The following NRXN1 variants were observed in gnomAD, a reference collection of about 807,000 sequenced individuals.
NRXN1 encodes the protein neurexin-1.
NRXN1 carries 39 observed loss-of-function variants against 150.9 expected under a neutral mutation model. That is an observed-to-expected ratio of 0.26 (90% CI 0.20 to 0.34). The LOEUF (loss-of-function observed/expected upper bound fraction) is 0.34. NRXN1 is among the 10% of genes least tolerant of loss of function. The probability of loss-of-function intolerance (pLI) is 1.00; values close to 1 mark genes in which losing one functional copy is unlikely to be tolerated. For synonymous variants in NRXN1, 924 were observed against 757.0 expected (o/e 1.22, Z -3.62); for missense variants, 1,815 against 1,949.9 (o/e 0.93, Z 1.30).
chr2:50,878,123 A>AAAAC (rs1261640254), intron 5 of NRXN1, among the ~76,000 whole-genome samples: 2 of 151,950 alleles, frequency 1.3e-5, no homozygotes, highest in African/African-American at 4.8e-5. Flanking sequence ...AAATCTGGGC[A>AAAAC]AAACAGTTCA....
intron 17 of NRXN1, among the ~76,000 whole-genome samples, chr2:50,322,693 A>C (rs1451264813): frequency 6.6e-6 from 1 of 152,202 alleles, no homozygotes. Context: ...CATTAGTTAT[A>C]TTTGAAGTAA....
At chr2:50,354,508 T>A (rs1048284548) in intron 17 of NRXN1, among the ~76,000 whole-genome samples, 1 of 148,880 alleles carries the variant, frequency 6.7e-6, no homozygotes, top group Admixed American at 6.8e-5. Flanking sequence ...CTAGAGTATA[T>A]GTGTGTGTAT....
intron 5 of NRXN1, among the ~76,000 whole-genome samples, chr2:50,690,697 G>A (rs1274308234): frequency 6.6e-6 from 1 of 152,150 alleles, no homozygotes; most frequent in African/African-American, 2.4e-5. Context: ...CTTATCCTAA[G>A]TGTCATCTTG....
intron 18 of NRXN1, among the ~76,000 whole-genome samples, chr2:50,209,897 A>C (rs1447302142): frequency 6.6e-6 from 1 of 152,018 alleles, no homozygotes; most frequent in Non-Finnish European, 1.5e-5. Flanking sequence ...ATATTTATTA[A>C]TGAAGTATTA....
chr2:50,792,587 G>A (rs911093761), intron 5 of NRXN1, among the ~76,000 whole-genome samples: 3 of 151,876 alleles, frequency 2.0e-5, no homozygotes, highest in Admixed American at 6.6e-5. Flanking sequence ...ATATTTAATG[G>A]GAGAAAGTTA....
rs963065605 is a variant in NRXN1, at chr2:49,976,167, A to G, written c.4129-32376T>C. On this transcript the variant is annotated intron_variant, in intron 21 of 22. Coordinates refer to ENST00000401669, the MANE Select transcript of NRXN1 (RefSeq NM_001330078.2). ...CCTCCTGAGTAGATGGGATTACAGG[A>G]GAGTGCCACCACGCCCAGCTAATTT... 6.0e-5 allele frequency among the ~76,000 whole-genome samples: 9 copies of G among 150,620 alleles called. No homozygotes were observed. The Admixed American group carries it at 6.0e-4, about 10-fold the overall frequency.
chr2:50,124,177 G>A (rs1704248614), intron 18 of NRXN1, among the ~76,000 whole-genome samples: 1 of 152,082 alleles, frequency 6.6e-6, no homozygotes, highest in African/African-American at 2.4e-5. Context: ...TTGCTGAGGA[G>A]GGAATGATCA....
chr2:50,422,479 T>C (rs1437754701), intron 17 of NRXN1, among the ~76,000 whole-genome samples: 1 of 152,144 alleles, frequency 6.6e-6, no homozygotes, highest in Non-Finnish European at 1.5e-5. Flanking sequence ...GAAAGAAATA[T>C]CTGGACATCG....
chr2:49,966,179 C>T (rs975202555), intron 21 of NRXN1, among the ~76,000 whole-genome samples: 1 of 152,226 alleles, frequency 6.6e-6, no homozygotes, highest in East Asian at 1.9e-4. Context: ...AGTATAGGCC[C>T]CCATACCTTC....
chr2:50,580,413 A>G (rs1672087413), intron 8 of NRXN1, among the ~76,000 whole-genome samples: 1 of 152,210 alleles, frequency 6.6e-6, no homozygotes, highest in African/African-American at 2.4e-5. Flanking sequence ...ACATTAATTC[A>G]ACACATTGGT....
At chr2:50,851,295 A>T (rs765549877) in intron 5 of NRXN1, among the ~76,000 whole-genome samples, 1 of 152,138 alleles carries the variant, frequency 6.6e-6, no homozygotes, top group African/African-American at 2.4e-5. Context: ...TTTCTAGTTG[A>T]TTCAATAACC....
chr2:49,959,449 C>T (rs377323894), intron 21 of NRXN1, among the ~76,000 whole-genome samples: 5 of 151,956 alleles, frequency 3.3e-5, no homozygotes, highest in African/African-American at 9.7e-5. Context: ...ATGCTCTTCA[C>T]GGTAGCATCT....
chr2:50,163,418 A>G (rs2059486268), intron 18 of NRXN1, among the ~76,000 whole-genome samples: 2 of 152,188 alleles, frequency 1.3e-5, no homozygotes, highest in South Asian at 2.1e-4. Flanking sequence ...TGCAACTTGT[A>G]AGAGTAGAGG....
At chr2:50,598,270 G>C (rs994422877) in intron 8 of NRXN1, among the ~76,000 whole-genome samples, 7 of 152,150 alleles carry the variant, frequency 4.6e-5, no homozygotes, top group Non-Finnish European at 1.0e-4. Context: ...CCACTGCACT[G>C]ACATCACAGC....
At chr2:50,504,211 C>T (rs1211222606) in intron 13 of NRXN1, among the ~76,000 whole-genome samples, 2 of 149,592 alleles carry the variant, frequency 1.3e-5, no homozygotes, top group African/African-American at 2.5e-5. Flanking sequence ...ATGCTTATTG[C>T]GTATTGATAA....
In NRXN1 at chr2:50,655,256, TAA is replaced by T. The variant is rs75184388; in HGVS notation, c.833-31643_833-31642del. Among the ~76,000 whole-genome samples, 301 of 151,586 alleles carry T rather than the reference TAA, an allele frequency of 2.0e-3. 1 individual carries two copies. Among genetic ancestry groups the T allele is most frequent in the Non-Finnish European group, 3.6e-3 (243 of 67,880 alleles). ...CTGTATCTTTCATATTTTTCAAAATTAAAAAAAACACCAAACTATTTTTCAAG... is the reference window on the plus strand; with the variant it reads ...CTGTATCTTTCATATTTTTCAAAATTAAAAAACACCAAACTATTTTTCAAG... On this transcript the variant is annotated intron_variant, in intron 5 of 22. Coordinates refer to ENST00000401669, the MANE Select transcript of NRXN1 (RefSeq NM_001330078.2).
intron 5 of NRXN1, among the ~76,000 whole-genome samples, chr2:50,887,459 A>G (rs1680421615): frequency 6.6e-6 from 1 of 151,472 alleles, no homozygotes; most frequent in Non-Finnish European, 1.5e-5. Flanking sequence ...AAAAGATGAA[A>G]AACTCCTGGT....
At chr2:50,763,530 C>T (rs1035983085) in intron 5 of NRXN1, among the ~76,000 whole-genome samples, 1 of 151,526 alleles carries the variant, frequency 6.6e-6, no homozygotes, top group South Asian at 2.1e-4. Flanking sequence ...TATTATTATG[C>T]TAGGCACTTA....
chr2:50,439,641 C>T (rs1439614192), intron 17 of NRXN1, among the ~76,000 whole-genome samples: 2 of 151,308 alleles, frequency 1.3e-5, no homozygotes, highest in African/African-American at 2.4e-5. Flanking sequence ...CCCATCTCTA[C>T]TAAAAAAAAA....
Sources: gnomAD v4.1 joint callset for allele counts (sites outside exome capture counted in the v4.1 genomes callset) on GRCh38, gnomAD v4.1.1 for gene constraint, MANE v1.5 for transcripts, NCBI Gene and HGNC (gene_info 2026-07-23, HGNC 2026-07-21) for gene names.